DNHD1: variants seen among roughly 807,000 people sequenced by gnomAD.
DNHD1 encodes dynein heavy chain domain-containing protein 1.
In DNHD1, 383 loss-of-function variants were observed where a neutral mutation model predicts 458.1. The observed-to-expected ratio is 0.84, with a 90% CI of 0.77 to 0.91. DNHD1 has a LOEUF of 0.91. Among genes scored for constraint, DNHD1 ranks in the 40% least tolerant of loss-of-function variants. DNHD1 has a pLI of 0.00. For missense variants in DNHD1, 5,336 were observed against 5,866.1 expected (o/e 0.91, Z 2.95); for synonymous variants, 2,203 against 2,376.9 (o/e 0.93, Z 2.13).
chr11:6,515,365 TA>T (rs77881410), intron 7 of DNHD1, among the ~76,000 whole-genome samples: 2,027 of 152,344 alleles, frequency 0.013, 30 homozygotes, highest in East Asian at 0.064. Flanking sequence ...TAATGTCCTT[TA>T]TTACTATATT....
intron 29 of DNHD1, 99 bp downstream of exon 29, chr11:6,563,230 G>C (rs1396046292): frequency 5.9e-6 from 9 of 1,535,874 alleles, no homozygotes; most frequent in Non-Finnish European, 5.3e-6. Context: ...ACTCATCATG[G>C]AATCTCCTGG....
Position 6,564,336 on chromosome 11 carries a change from C to G in DNHD1, c.10288C>G (p.Leu3430Val). ...CTGGTCTTCCCTTCCACTCCAGAAG[C>G]TGAAGGGACGCTGCATGACTGTGTT... ...MRAWTTQLQK[L>V]KGRCMTVFGD... The change falls in exon 32 of 43, where the codon CTG becomes GTG. Residue 3430 changes from leucine (L) to valine (V), a missense_variant. Transcript: ENST00000254579. 1 of 1,531,108 alleles carries G rather than the reference C, an allele frequency of 6.5e-7. No individual in the cohort carries two copies. The highest frequency in any genetic ancestry group is 8.8e-7 in the Non-Finnish European group (1 of 1,133,570). The allele number at this position is 1,531,108 out of a possible 1,614,324, so 94.8% of individuals were successfully genotyped here.
rs747443981 is a variant in DNHD1 at position 6,545,503 on chromosome 11, G to A, written c.4564G>A (p.Glu1522Lys). ...LVAEEVVWRA[E>K]MEEALLEWGT... ...GGCAGAGGAGGTGGTATGGCGGGCC[G>A]AGATGGAGGAGGCTCTGCTTGAGTG... Residue 1522 changes from glutamate (E) to lysine (K), a missense_variant, in exon 21 of 43, where the codon GAG becomes AAG. This residue lies in a region of DNHD1 where 3,932 missense variants were observed against 4,365.6 expected (regional missense o/e 0.90). Transcript: ENST00000254579. The surrounding 1 kb of genome is among the most constrained non-coding windows in gnomAD (Gnocchi z 4.9). The A allele has an allele frequency of 1.3e-5, 20 of 1,551,524 alleles. No individual in the cohort carries two copies. The highest frequency in any genetic ancestry group is 2.4e-5 in the East Asian group (1 of 40,940).
chr11:6,557,072 T>A lies in DNHD1; in HGVS notation c.7777T>A (p.Ser2593Thr). ...LHPHYHFSLHSVSHLLSSLQL... is the reference protein window; with the variant it reads ...LHPHYHFSLHTVSHLLSSLQL... ...CCCACACTACCACTTCTCCCTACACTCTGTGAGCCACCTACTGAGCAGCCT... is the reference window on the plus strand; with the variant it reads ...CCCACACTACCACTTCTCCCTACACACTGTGAGCCACCTACTGAGCAGCCT... The change falls in exon 25 of 43, where the codon TCT becomes ACT. Residue 2593 changes from serine (S) to threonine (T), a missense_variant. Transcript: ENST00000254579. 1 of 1,551,676 alleles carries A rather than the reference T, an allele frequency of 6.4e-7. No homozygotes were observed. Among genetic ancestry groups the A allele is most frequent in the Non-Finnish European group, 8.7e-7 (1 of 1,146,992 alleles).
chr11:6,569,532 G>A (rs1249853081), intron 39 of DNHD1, among the ~76,000 whole-genome samples: 1 of 152,120 alleles, frequency 6.6e-6, no homozygotes, highest in Non-Finnish European at 1.5e-5. Flanking sequence ...GAAGACAGTG[G>A]GAAGCCACTG....
intron 24 of DNHD1, among the ~76,000 whole-genome samples, chr11:6,554,792 C>T (rs1853427450): frequency 6.6e-6 from 1 of 152,226 alleles, no homozygotes. Flanking sequence ...AACTCTCTCA[C>T]TTTGATGGTG....
At chr11:6,536,051 A>T (rs1852941022) in intron 14 of DNHD1, among the ~76,000 whole-genome samples, 1 of 152,208 alleles carries the variant, frequency 6.6e-6, no homozygotes, top group African/African-American at 2.4e-5. Context: ...AGAAGGAAGG[A>T]TACAATATCA....
chr11:6,558,203 T>C lies in DNHD1; in HGVS notation c.8908T>C (p.Tyr2970His), dbSNP rs1187463831. 1 of 1,551,630 alleles carries C rather than the reference T, an allele frequency of 6.4e-7. No individual in the cohort carries two copies. Among genetic ancestry groups the C allele is most frequent in the Admixed American group, 2.0e-5 (1 of 51,010 alleles). The change falls in exon 25 of 43, where the codon TAC becomes CAC. Residue 2970 changes from tyrosine (Y) to histidine (H), a missense_variant. By Grantham distance (83) the Tyr-to-His change is moderately conservative. Transcript: ENST00000254579. ...LATSGSFPGQ[Y>H]TEADLDRIGE... Reference sequence around the variant, plus strand: ...AACCTCAGGCAGTTTCCCTGGCCAGTACACAGAAGCAGATTTGGACCGCAT... The same window carrying C: ...AACCTCAGGCAGTTTCCCTGGCCAGCACACAGAAGCAGATTTGGACCGCAT...
chr11:6,527,980 C>G (rs994770067), intron 10 of DNHD1, among the ~76,000 whole-genome samples: 1 of 152,212 alleles, frequency 6.6e-6, no homozygotes, highest in African/African-American at 2.4e-5. Context: ...AGACTACAAA[C>G]TACACTTCCC....
rs1175018591 is a variant in DNHD1 at position 6,567,377 on chromosome 11, ACT to A, written c.11871_11872del (p.Trp3958AlafsTer31). ...GKASELERLA[L>X]WPGLAASPST... Reference sequence around the variant, plus strand: ...AAGCATCAGAGCTGGAAAGACTGGCACTCTGGCCTGGACTAGCAGCCTCTCCC... The same window carrying A: ...AAGCATCAGAGCTGGAAAGACTGGCACTGGCCTGGACTAGCAGCCTCTCCC... On this transcript the variant is annotated frameshift_variant, in exon 36 of 43. Coordinates refer to ENST00000254579, the MANE Select transcript of DNHD1 (RefSeq NM_144666.3). LOFTEE classifies it high-confidence loss of function. The A allele has an allele frequency of 2.4e-5, 39 of 1,613,838 alleles. No individual in the cohort carries two copies. The highest frequency in any genetic ancestry group is 3.2e-5 in the Non-Finnish European group (38 of 1,179,822).
chr11:6,547,073 T>C lies in DNHD1; in HGVS notation c.6134T>C (p.Leu2045Pro). 1.3e-6 allele frequency: 2 copies of C among 1,551,702 alleles called. No individual in the cohort carries two copies. The highest frequency in any genetic ancestry group is 1.7e-6 in the Non-Finnish European group (2 of 1,146,992). Reference protein sequence around the residue: ...GLSPQEFLGWLEGSCWHHGIF... With the variant: ...GLSPQEFLGWPEGSCWHHGIF... Reference sequence around the variant, plus strand: ...AGCCCCCAGGAGTTCCTGGGATGGCTAGAGGGCTCCTGCTGGCATCATGGC... The same window carrying C: ...AGCCCCCAGGAGTTCCTGGGATGGCCAGAGGGCTCCTGCTGGCATCATGGC... The change falls in exon 21 of 43, where the codon CTA (leucine) becomes CCA (proline). Residue 2045 changes from leucine (L) to proline (P), a missense_variant. This residue lies in a region of DNHD1 where 3,932 missense variants were observed against 4,365.6 expected (regional missense o/e 0.90). Transcript: ENST00000254579.
intron 28 of DNHD1, among the ~76,000 whole-genome samples, chr11:6,560,202 G>A (rs1245894177): frequency 2.0e-5 from 3 of 152,264 alleles, no homozygotes; most frequent in Middle Eastern, 6.8e-3. Context: ...GTGAACTAGT[G>A]CCCATCTCAC....
chr11:6,505,472 C>T lies in DNHD1; in HGVS notation c.920+2546C>T, dbSNP rs999949233. 3.3e-5 allele frequency among the ~76,000 whole-genome samples: 5 copies of T among 151,874 alleles called. No individual in the cohort carries two copies. Among genetic ancestry groups the T allele is most frequent in the Non-Finnish European group, 2.9e-5 (2 of 67,986 alleles). Reference sequence around the variant, plus strand: ...TTTGCCACATTGGCCAAGCTGATCTCGAACTCCTGGCTTCAAGTGATCCAC... The same window carrying T: ...TTTGCCACATTGGCCAAGCTGATCTTGAACTCCTGGCTTCAAGTGATCCAC... On this transcript the variant is annotated intron_variant, in intron 4 of 42. Coordinates refer to ENST00000254579, the MANE Select transcript of DNHD1 (RefSeq NM_144666.3). The surrounding 1 kb of genome is among the most constrained non-coding windows in gnomAD (Gnocchi z 4.4).
chr11:6,497,378 C>G (rs185621670), intron 1 of DNHD1, 47 bp downstream of exon 1: 1 of 152,568 alleles, frequency 6.6e-6, no homozygotes, highest in South Asian at 2.1e-4. Flanking sequence ...CCTAGGACCC[C>G]CTCCCACAGA....
At chr11:6,520,743 T>A (rs959469756) in intron 10 of DNHD1, 4 of 1,003,714 alleles carry the variant, frequency 4.0e-6, no homozygotes, top group Non-Finnish European at 4.8e-6. Context: ...ATTTTATGGT[T>A]ACCAATTATT....
rs965491639 is a variant in DNHD1, at chr11:6,571,181, C to T, written c.13669C>T (p.Arg4557Cys). ...PPWHWLRQLS[R>C]RGQLLVRYLG... is the part of the protein sequence containing the mutation. ...CTGGCACTGGCTGCGACAGTTGTCG[C>T]GCCGTGGGCAACTGTTGGTTCGTTA... The change falls in exon 42 of 43, where the codon CGC (arginine) becomes TGC (cysteine). Residue 4557 changes from arginine to cysteine, a missense_variant. Physicochemically the swap from Arg to Cys is radical, Grantham distance 180. This residue lies in a region of DNHD1 where 698 missense variants were observed against 664.9 expected (regional missense o/e 1.05). Transcript: ENST00000254579. This position sits in a 1 kb window ranked among gnomAD's most constrained non-coding sequence, Gnocchi z 5.0. 2 of 1,604,494 alleles carry T rather than the reference C, an allele frequency of 1.2e-6. No homozygotes were observed. The highest frequency in any genetic ancestry group is 1.7e-6 in the Non-Finnish European group (2 of 1,175,248).
intron 10 of DNHD1, among the ~76,000 whole-genome samples, chr11:6,522,043 T>G (rs113204196): frequency 2.0e-5 from 3 of 152,282 alleles, no homozygotes; most frequent in African/African-American, 7.2e-5. Flanking sequence ...TGTCCTTAAA[T>G]TCTTTAAAAA....
chr11:6,503,443 C>T (rs963319057), intron 4 of DNHD1: 1 of 152,304 alleles, frequency 6.6e-6, no homozygotes, highest in Non-Finnish European at 1.5e-5. Context: ...GACATTTATT[C>T]ACTTCCTCTC....
intron 32 of DNHD1, among the ~76,000 whole-genome samples, chr11:6,565,122 G>A (rs564351768): frequency 6.6e-6 from 1 of 152,272 alleles, no homozygotes; most frequent in South Asian, 2.1e-4. Context: ...GACCCATCTG[G>A]GTGGAGTATT....
Sources: allele counts gnomAD v4.1 joint callset (sites outside exome capture counted in the v4.1 genomes callset), GRCh38; gene constraint gnomAD v4.1.1; regional missense constraint gnomAD v4.1.1; non-coding constraint Gnocchi (gnomAD v3.1); transcripts MANE v1.5; gene names NCBI Gene and HGNC (gene_info 2026-07-23, HGNC 2026-07-21).